VPS13A: variants seen among roughly 807,000 people sequenced by gnomAD.
The protein encoded by VPS13A is intermembrane lipid transfer protein VPS13A.
VPS13A carries 264 observed loss-of-function variants against 390.9 expected under a neutral mutation model. The observed-to-expected ratio is 0.68, with a 90% confidence interval of 0.61 to 0.75. The LOEUF (loss-of-function observed/expected upper bound fraction) is 0.75. Among genes scored for constraint, VPS13A ranks in the 30% least tolerant of loss-of-function variants. The pLI, the probability that VPS13A is intolerant of heterozygous loss-of-function variation, is 0.00. For missense variants in VPS13A, 3,409 were observed against 3,733.9 expected, an observed-to-expected ratio of 0.91 and a Z score of 2.27; for synonymous variants, 1,231 against 1,227.1, an observed-to-expected ratio of 1.00 and a Z score of -0.07.
At chr9:77,247,704 A>C (rs1346020473) in intron 20 of VPS13A, among the ~76,000 whole-genome samples, 3 of 152,192 alleles carry the variant, frequency 2.0e-5, no homozygotes, top group African/African-American at 7.2e-5. Context: ...TCTGTCGCCC[A>C]GGCTGGAATA....
At position 77,416,037 on chromosome 9, in the gene VPS13A, T is replaced by G; in HGVS notation, c.*31T>G. ...AACACTGCCTGAAGACACACAGCAA[T>G]AAGTGATTACAGCTCCTAGACTACC... On this transcript the variant is annotated 3_prime_UTR_variant, in exon 72 of 72. Transcript: ENST00000360280. The G allele has an allele frequency of 6.2e-7, 1 of 1,612,322 alleles. No homozygotes were observed. The highest frequency in any genetic ancestry group is 8.5e-7 in the Non-Finnish European group (1 of 1,178,634).
At chr9:77,265,589 G>C (rs1825993547) in intron 23 of VPS13A, among the ~76,000 whole-genome samples, 1 of 152,172 alleles carries the variant, frequency 6.6e-6, no homozygotes, top group Non-Finnish European at 1.5e-5. Context: ...TTGTGTAGAG[G>C]TGTTTATAGT....
chr9:77,312,042 A>G (rs1030836509), intron 35 of VPS13A, among the ~76,000 whole-genome samples: 2 of 152,206 alleles, frequency 1.3e-5, no homozygotes, highest in Non-Finnish European at 2.9e-5. Flanking sequence ...GTAGAGTAAG[A>G]TATTAGAAAT....
chr9:77,346,740 G>T (rs1229701871), intron 52 of VPS13A, among the ~76,000 whole-genome samples: 1 of 152,156 alleles, frequency 6.6e-6, no homozygotes. Flanking sequence ...TTCTACATGT[G>T]GCTTGCCCAC....
intron 67 of VPS13A, among the ~76,000 whole-genome samples, chr9:77,379,239 ATTTT>A (rs1324201977): frequency 8.1e-6 from 1 of 123,028 alleles, no homozygotes; most frequent in Admixed American, 8.2e-5. Context: ...TACCCAGCTA[ATTTT>A]TTTTTTTTTT....
intron 31 of VPS13A, among the ~76,000 whole-genome samples, chr9:77,287,431 G>A (rs1229090553): frequency 1.3e-5 from 2 of 151,942 alleles, no homozygotes; most frequent in Admixed American, 6.6e-5. Flanking sequence ...GAGCTCAGGC[G>A]ATCTACCTGC....
chr9:77,357,444 A>G (rs1831872136), intron 55 of VPS13A, among the ~76,000 whole-genome samples: 2 of 151,436 alleles, frequency 1.3e-5, no homozygotes, highest in Non-Finnish European at 2.9e-5. Flanking sequence ...CTTTCTTTAA[A>G]TATTTTATTT....
chr9:77,190,994 A>G (rs10123274), intron 1 of VPS13A, among the ~76,000 whole-genome samples: 397 of 151,464 alleles, frequency 2.6e-3, no homozygotes, highest in African/African-American at 8.9e-3. Flanking sequence ...CTGGCTGGCA[A>G]TCTATCTTAT....
intron 52 of VPS13A, among the ~76,000 whole-genome samples, chr9:77,350,688 T>A (rs1160943433): frequency 6.6e-6 from 1 of 152,010 alleles, no homozygotes; most frequent in Non-Finnish European, 1.5e-5. Context: ...TGTGTTAGGG[T>A]TTTTTCCCCC....
rs34369162 is a variant in VPS13A at position 77,333,426 on chromosome 9, A to ATT, written c.6095+1334_6095+1335dup. Among the ~76,000 whole-genome samples, 577 of 107,594 alleles carry ATT rather than the reference A, an allele frequency of 5.4e-3. 6 individuals carry two copies. The highest frequency in any genetic ancestry group is 9.4e-3 in the East Asian group (33 of 3,522). 70.6% of individuals were successfully genotyped at this position (107,594 alleles called of 152,430 possible). A position where few individuals can be genotyped will look rare whatever the true frequency, so the allele number is the denominator to read the frequency against. On this transcript the variant is annotated intron_variant, in intron 46 of 71. Transcript: ENST00000360280. ...AACCAGCTTGGATTTCTCATTAGGCATTTTTTTTTTTTTTTTTTTTTTGAG... is the reference window on the plus strand; with the variant it reads ...AACCAGCTTGGATTTCTCATTAGGCATTTTTTTTTTTTTTTTTTTTTTTTGAG...
In VPS13A at chr9:77,375,838, AG is replaced by A. The variant is rs1339655391; in HGVS notation, c.9077+4692del. ...ATCTAGACACTTCTCTAATCACTTG[AG>A]GGACCAGCAATGAACACAATTGGCA... On this transcript the variant is annotated intron_variant, in intron 67 of 71. Transcript: ENST00000360280. Among the ~76,000 whole-genome samples, 3 of 152,344 alleles carry A rather than the reference AG, an allele frequency of 2.0e-5. No individual in the cohort carries two copies. In the East Asian group the frequency reaches 5.8e-4, roughly 29 times the overall value.
Position 77,332,231 on chromosome 9 carries a change from A to C in VPS13A, c.6095+118A>C, listed in dbSNP as rs1343181302. Reference sequence around the variant, plus strand: ...TGCTAATAGCTTATCTAACGTATTTAGGTTTCAGTGCACTTAGATCTTAAA... The same window carrying C: ...TGCTAATAGCTTATCTAACGTATTTCGGTTTCAGTGCACTTAGATCTTAAA... On this transcript the variant is annotated intron_variant, in intron 46 of 71. Coordinates refer to ENST00000360280, the MANE Select transcript of VPS13A (RefSeq NM_033305.3). The C allele has an allele frequency of 4.4e-4, 345 of 778,010 alleles. 1 individual carries two copies. Among genetic ancestry groups the C allele is most frequent in the Non-Finnish European group, 3.8e-5 (17 of 444,660 alleles). The allele number at this position is 778,010 out of a possible 1,614,324, so 48.2% of individuals were successfully genotyped here.
intron 22 of VPS13A, among the ~76,000 whole-genome samples, chr9:77,255,024 C>T (rs573595172): frequency 1.3e-5 from 2 of 152,162 alleles, no homozygotes; most frequent in South Asian, 2.1e-4. Context: ...TTTTTTAGCA[C>T]TCTCTTGAAT....
At position 77,200,783 on chromosome 9, in the gene VPS13A, G is replaced by A. The variant is rs567988846; in HGVS notation, c.145-582G>A. ...AGAAGTCTTTACCGAATCTAATGTC[G>A]TGAAGATTTTCCCTTATGTTTTCTT... On this transcript the variant is annotated intron_variant, in intron 2 of 71. Transcript: ENST00000360280. 5.3e-5 allele frequency among the ~76,000 whole-genome samples: 8 copies of A among 152,108 alleles called. No homozygotes were observed. In the East Asian group the frequency reaches 7.7e-4, roughly 15 times the overall value.
rs1835306200 is a variant in VPS13A, at chr9:77,420,309, A to G, written c.*4303A>G. The G allele has an allele frequency of 6.6e-6, 1 of 152,204 alleles. No homozygotes were observed. The highest frequency in any genetic ancestry group is 6.5e-5 in the Admixed American group (1 of 15,282). The allele number at this position is 152,204 out of a possible 1,614,324, so 9.4% of individuals were successfully genotyped here. ...ACTATCCAAAAAGCAAGGCCAGCAC[A>G]TTGAGAAGATGCAGAATCCTACTCT... is the stretch of plus-strand genomic sequence containing the variant. On this transcript the variant is annotated 3_prime_UTR_variant, in exon 72 of 72. Transcript: ENST00000360280.
chr9:77,382,604 A>G, intron 68 of VPS13A: 3 of 1,061,160 alleles, frequency 2.8e-6, no homozygotes, highest in South Asian at 4.2e-5. Context: ...TACCAGATAT[A>G]TAATCCTTAT....
chr9:77,311,462 C>T (rs1016241007), intron 35 of VPS13A, among the ~76,000 whole-genome samples: 11 of 152,064 alleles, frequency 7.2e-5, no homozygotes, highest in Admixed American at 5.2e-4. Context: ...CATCTTTCTC[C>T]TAAATGTCTC....
rs375898960 is a variant in VPS13A, at chr9:77,275,663, C to T, written c.2667+11C>T. 1,332 of 1,611,644 alleles carry T rather than the reference C, an allele frequency of 8.3e-4. 3 individuals are homozygous for T. The highest frequency in any genetic ancestry group is 1.0e-3 in the Non-Finnish European group (1,237 of 1,178,294). ...TTTGAAGTACCAAAGGTAGGTACTA[C>T]GGTAAAATTAACATGGCTTAATTTG... On this transcript the variant is annotated intron_variant, in intron 25 of 71. Transcript: ENST00000360280.
At chr9:77,341,434 T>C (rs1830801981) in intron 50 of VPS13A, among the ~76,000 whole-genome samples, 1 of 152,212 alleles carries the variant, frequency 6.6e-6, no homozygotes, top group African/African-American at 2.4e-5. Context: ...CTATATGTGG[T>C]TTACTTTTTA....
Sources: gnomAD v4.1 joint callset for allele counts (sites outside exome capture counted in the v4.1 genomes callset) on GRCh38, gnomAD v4.1.1 for gene constraint, MANE v1.5 for transcripts, NCBI Gene and HGNC (gene_info 2026-07-23, HGNC 2026-07-21) for gene names.